PRTFDC1: variants seen among roughly 807,000 people sequenced by gnomAD.
PRTFDC1 encodes the protein phosphoribosyl transferase domain containing 1, also known as phosphoribosyltransferase domain-containing protein 1.
PRTFDC1 carries 38 observed loss-of-function variants against 34.6 expected under a neutral mutation model. The observed-to-expected ratio is 1.10, with a 90% CI of 0.85 to 1.44. The LOEUF is 1.44. PRTFDC1 is among the 40% of genes most tolerant of loss of function. The pLI is 0.00. For synonymous variants in PRTFDC1, 93 were observed against 98.1 expected (o/e 0.95, Z 0.31); for missense variants, 270 against 283.0 (o/e 0.95, Z 0.33).
chr10:24,876,758 A>G (rs949289871), intron 3 of PRTFDC1, among the ~76,000 whole-genome samples: 36 of 152,026 alleles, frequency 2.4e-4, no homozygotes, highest in African/African-American at 8.7e-4. Context: ...TGTATTGCCC[A>G]GGCTGGTCTC....
chr10:24,854,004 A>G (rs1847534464), intron 7 of PRTFDC1, among the ~76,000 whole-genome samples: 1 of 152,156 alleles, frequency 6.6e-6, no homozygotes, highest in Admixed American at 6.5e-5. Flanking sequence ...CAATTTCCTC[A>G]TCTGTAAAAT....
At chr10:24,886,129 C>T (rs1012196494) in intron 3 of PRTFDC1, among the ~76,000 whole-genome samples, 3 of 152,092 alleles carry the variant, frequency 2.0e-5, no homozygotes, top group African/African-American at 7.2e-5. Flanking sequence ...CTAATGCAAA[C>T]TACGAACTTT....
intron 3 of PRTFDC1, among the ~76,000 whole-genome samples, chr10:24,911,084 A>G (rs952976968): frequency 6.6e-6 from 1 of 152,226 alleles, no homozygotes; most frequent in African/African-American, 2.4e-5. Context: ...GTTTAAAAAA[A>G]TCAGCTCTTT....
At chr10:24,885,997 G>A (rs1848157944) in intron 3 of PRTFDC1, among the ~76,000 whole-genome samples, 1 of 152,168 alleles carries the variant, frequency 6.6e-6, no homozygotes, top group Non-Finnish European at 1.5e-5. Context: ...GGGAGGCAGG[G>A]AGAAAGAGGA....
intron 2 of PRTFDC1, among the ~76,000 whole-genome samples, chr10:24,939,111 G>T (rs1321809624): frequency 6.6e-6 from 1 of 151,992 alleles, no homozygotes; most frequent in Non-Finnish European, 1.5e-5. Flanking sequence ...GATCAGCCTG[G>T]CCAACACGGT....
At chr10:24,908,487 T>A (rs778361313) in intron 3 of PRTFDC1, 1 of 1,610,730 alleles carries the variant, frequency 6.2e-7, no homozygotes, top group South Asian at 1.1e-5. Flanking sequence ...ACTGTACACC[T>A]CACTGGATCT....
chr10:24,901,622 AG>A (rs1198645157), intron 3 of PRTFDC1, among the ~76,000 whole-genome samples: 1 of 152,092 alleles, frequency 6.6e-6, no homozygotes, highest in African/African-American at 2.4e-5. Flanking sequence ...CCAGCTACTC[AG>A]GAGGCTGAGG....
chr10:24,852,304 C>T (rs779889219), intron 7 of PRTFDC1, among the ~76,000 whole-genome samples: 3 of 152,072 alleles, frequency 2.0e-5, no homozygotes, highest in East Asian at 1.9e-4. Context: ...AGACGTGTGC[C>T]ACCATGCCAG....
At chr10:24,939,302 A>G in intron 2 of PRTFDC1, among the ~76,000 whole-genome samples, 1 of 19,140 alleles carries the variant, frequency 5.2e-5, no homozygotes, top group East Asian at 9.9e-4. Flanking sequence ...ACTCTGACTC[A>G]AAAAAAAAAA....
rs371173713 is a variant in PRTFDC1, at chr10:24,872,102, G to A, written c.340-39C>T. On this transcript the variant is annotated intron_variant, in intron 3 of 8. Transcript: ENST00000320152. The stretch of plus-strand genomic sequence containing the variant: ...GAAAAAAAAGGGAGACAATTTTACC[G>A]CACAAGAAAACCTTTAAAGCACATT... 434 of 1,532,296 alleles carry A rather than the reference G, an allele frequency of 2.8e-4. 1 individual carries two copies. Among genetic ancestry groups the A allele is most frequent in the Non-Finnish European group, 3.2e-4 (352 of 1,111,888 alleles). 94.9% of individuals were successfully genotyped at this position (1,532,296 alleles called of 1,614,324 possible). A position where few individuals can be genotyped will look rare whatever the true frequency, so the allele number is the denominator to read the frequency against.
intron 2 of PRTFDC1, among the ~76,000 whole-genome samples, chr10:24,940,902 A>C (rs1444014742): frequency 1.3e-5 from 2 of 152,202 alleles, no homozygotes; most frequent in Non-Finnish European, 2.9e-5. Context: ...ATTGGCTGCA[A>C]ACAAACTTTT....
At chr10:24,951,648 C>G in intron 1 of PRTFDC1, 1 of 976,780 alleles carries the variant, frequency 1.0e-6, no homozygotes, top group Non-Finnish European at 1.2e-6. Context: ...ACCATCCTCA[C>G]CACCATTGAG....
chr10:24,908,808 C>T, intron 3 of PRTFDC1: 2 of 1,382,986 alleles, frequency 1.4e-6, no homozygotes, highest in Non-Finnish European at 9.5e-7. Context: ...ATAGCCCTCA[C>T]ATCCCCCTTT....
At chr10:24,868,795 A>AT (rs5783907) in intron 4 of PRTFDC1, among the ~76,000 whole-genome samples, 139 of 148,962 alleles carry the variant, frequency 9.3e-4, no homozygotes, top group South Asian at 7.4e-3. Flanking sequence ...TTCCTTTTAC[A>AT]TTTTTTTTTT....
chr10:24,897,273 C>T (rs1022354807), intron 3 of PRTFDC1, among the ~76,000 whole-genome samples: 7 of 152,180 alleles, frequency 4.6e-5, no homozygotes, highest in African/African-American at 7.2e-5. Flanking sequence ...GAAGTCCCCT[C>T]CTTGGAGTCA....
intron 3 of PRTFDC1, among the ~76,000 whole-genome samples, chr10:24,935,311 G>T (rs1215042363): frequency 1.3e-5 from 2 of 152,138 alleles, no homozygotes; most frequent in African/African-American, 4.8e-5. Context: ...GAGAAATCTG[G>T]TATGAAGGAA....
At chr10:24,863,121 C>T (rs960694148) in intron 4 of PRTFDC1, among the ~76,000 whole-genome samples, 7 of 152,246 alleles carry the variant, frequency 4.6e-5, no homozygotes, top group South Asian at 4.1e-4. Flanking sequence ...TCAGGTGATC[C>T]GCTGGCTTGG....
At chr10:24,851,543 C>T (rs565348137) in intron 7 of PRTFDC1, 79 bp from the exon 8 acceptor site, 1,052 of 1,554,880 alleles carry the variant, frequency 6.8e-4, no homozygotes, top group Admixed American at 1.0e-3. Flanking sequence ...ATGCTGCTGT[C>T]GCCACTCAAA....
chr10:24,854,464 T>A (rs1847540390), intron 7 of PRTFDC1, among the ~76,000 whole-genome samples: 1 of 152,208 alleles, frequency 6.6e-6, no homozygotes, highest in Non-Finnish European at 1.5e-5. Context: ...CACTTCTCTT[T>A]CGCTAATGTT....
Sources: allele counts gnomAD v4.1 joint callset (sites outside exome capture counted in the v4.1 genomes callset), GRCh38; gene constraint gnomAD v4.1.1; transcripts MANE v1.5; gene names NCBI Gene and HGNC (gene_info 2026-07-23, HGNC 2026-07-21).